The following PDE4D variants were observed in gnomAD, a reference collection of about 807,000 sequenced individuals.
PDE4D encodes phosphodiesterase 4D.
PDE4D carries 24 observed loss-of-function variants against 87.4 expected under a neutral mutation model. That is an observed-to-expected ratio of 0.27 (90% CI 0.20 to 0.39). The LOEUF (loss-of-function observed/expected upper bound fraction) is 0.39. Among genes scored for constraint, PDE4D ranks in the 10% least tolerant of loss-of-function variants. The pLI is 1.00. For missense variants in PDE4D, 714 were observed against 1,041.0 expected, an observed-to-expected ratio of 0.69 and a Z score of 4.32; for synonymous variants, 384 against 383.2, an observed-to-expected ratio of 1.00 and a Z score of -0.02.
intron 2 of PDE4D, among the ~76,000 whole-genome samples, chr5:60,006,260 G>T (rs1400027213): frequency 1.3e-5 from 2 of 151,640 alleles, no homozygotes; most frequent in Non-Finnish European, 2.9e-5. Context: ...AGCAATTGTG[G>T]TTTTTGCCAT....
At chr5:59,788,553 A>C (rs1765424241) in intron 1 of PDE4D, among the ~76,000 whole-genome samples, 1 of 152,228 alleles carries the variant, frequency 6.6e-6, no homozygotes, top group Non-Finnish European at 1.5e-5. Flanking sequence ...ACAAAGCCAA[A>C]GCATGGCCTT....
chr5:59,168,543 GT>G (rs1782250843), intron 5 of PDE4D, among the ~76,000 whole-genome samples: 1 of 152,140 alleles, frequency 6.6e-6, no homozygotes, highest in Admixed American at 6.6e-5. Flanking sequence ...ACTATAGAGA[GT>G]TTTTAGGGTT....
intron 1 of PDE4D, among the ~76,000 whole-genome samples, chr5:59,851,706 A>C (rs553118207): frequency 6.6e-6 from 1 of 152,204 alleles, no homozygotes; most frequent in Admixed American, 6.6e-5. Flanking sequence ...ATGAAGTCAG[A>C]GAACCCAAGC....
At chr5:59,442,016 A>G (rs1797696469) in intron 1 of PDE4D, among the ~76,000 whole-genome samples, 1 of 152,224 alleles carries the variant, frequency 6.6e-6, no homozygotes. Context: ...ACTTTTGCAA[A>G]TATTTTACCA....
intron 6 of PDE4D, among the ~76,000 whole-genome samples, chr5:59,020,392 G>C (rs1007959650): frequency 5.9e-5 from 9 of 151,734 alleles, no homozygotes; most frequent in African/African-American, 2.2e-4. Flanking sequence ...AGAATCACTT[G>C]AATCCAGGAG....
chr5:60,014,684 A>G (rs1765351970), intron 2 of PDE4D, among the ~76,000 whole-genome samples: 1 of 152,252 alleles, frequency 6.6e-6, no homozygotes. Context: ...ATGGAATGGA[A>G]TATAACTGGA....
chr5:59,917,394 C>T (rs146829718), intron 3 of PDE4D, among the ~76,000 whole-genome samples: 37 of 152,166 alleles, frequency 2.4e-4, no homozygotes, highest in African/African-American at 8.7e-4. Context: ...GCTATAACTG[C>T]TTCATGAAAA....
At chr5:59,143,296 T>A (rs944879780) in intron 5 of PDE4D, among the ~76,000 whole-genome samples, 8 of 151,784 alleles carry the variant, frequency 5.3e-5, no homozygotes, top group African/African-American at 1.2e-4. Context: ...AAACACAAAC[T>A]TCAGTTGCCT....
chr5:59,610,390 T>C (rs1190576111), intron 1 of PDE4D, among the ~76,000 whole-genome samples: 2 of 152,174 alleles, frequency 1.3e-5, no homozygotes. Flanking sequence ...TAATTATGTG[T>C]TTGTTACAAT....
intron 1 of PDE4D, among the ~76,000 whole-genome samples, chr5:59,743,018 C>A (rs373084458): frequency 2.0e-5 from 3 of 152,142 alleles, no homozygotes; most frequent in Non-Finnish European, 1.5e-5. Flanking sequence ...GCAATCATTA[C>A]ACCAGTAGGT....
At chr5:60,514,740 T>A (rs1269512008) in intron 1 of PDE4D, among the ~76,000 whole-genome samples, 1 of 151,842 alleles carries the variant, frequency 6.6e-6, no homozygotes, top group Non-Finnish European at 1.5e-5. Context: ...AAAAAATAAC[T>A]CAATATTGAA....
At chr5:60,122,179 G>A (rs146224712) in intron 2 of PDE4D, among the ~76,000 whole-genome samples, 4,380 of 152,290 alleles carry the variant, frequency 0.029, 203 homozygotes, top group African/African-American at 0.1. Flanking sequence ...CTGGCGTTGA[G>A]TATCTGTGGC....
Position 59,727,726 on chromosome 5 carries a change from T to C in PDE4D, c.455+165442A>G, listed in dbSNP as rs570965991. Among the ~76,000 whole-genome samples the C allele has an allele frequency of 2.6e-5, 4 of 152,216 alleles. No individual in the cohort carries two copies. In the South Asian group the frequency reaches 8.3e-4, roughly 32 times the overall value. On this transcript the variant is annotated intron_variant, in intron 1 of 14. Coordinates refer to ENST00000340635, the MANE Select transcript of PDE4D (RefSeq NM_001104631.2). The stretch of plus-strand genomic sequence containing the variant: ...GGTTTCTTACCCTCTGTGAGCATGT[T>C]CTTTTACTCAGCAGTAACATGGAAC...
chr5:59,431,083 C>T (rs1195619611), intron 1 of PDE4D, among the ~76,000 whole-genome samples: 5 of 152,022 alleles, frequency 3.3e-5, no homozygotes, highest in African/African-American at 1.2e-4. Context: ...TTCACTAAAA[C>T]GTTGATGATG....
intron 1 of PDE4D, among the ~76,000 whole-genome samples, chr5:60,390,562 ACT>A (rs1237538478): frequency 6.6e-6 from 1 of 150,638 alleles, no homozygotes; most frequent in Non-Finnish European, 1.5e-5. Flanking sequence ...GCACTGAAAC[ACT>A]CTCTGATACT....
rs769225094 is a variant in PDE4D at position 59,215,809 on chromosome 5, A to G, written c.615T>C (p.Ser205=). 8 of 1,613,570 alleles carry G rather than the reference A, an allele frequency of 5.0e-6. No individual in the cohort carries two copies. In the South Asian group the frequency reaches 7.7e-5, roughly 15 times the overall value. Residue 205 remains serine, a synonymous_variant, in exon 2 of 15, where the codon TCT becomes TCC. Coordinates refer to ENST00000340635, the MANE Select transcript of PDE4D (RefSeq NM_001104631.2). ...TGGCAATGGAGGAGTTCCGGGACAT[A>G]GACTTTGGAGAGAGGTCATAATCGC... ...SDSDYDLSPK[S]MSRNSSIASD... is the part of the protein sequence containing the mutation.
At chr5:59,045,663 G>GC (rs1760503183) in intron 5 of PDE4D, among the ~76,000 whole-genome samples, 1 of 151,308 alleles carries the variant, frequency 6.6e-6, no homozygotes, top group Admixed American at 6.6e-5. Flanking sequence ...GAAATCCTCA[G>GC]CCACTGGCCA....
chr5:60,154,858 C>A (rs973057415), intron 2 of PDE4D, among the ~76,000 whole-genome samples: 1 of 152,224 alleles, frequency 6.6e-6, no homozygotes, highest in East Asian at 1.9e-4. Flanking sequence ...TGCCTGGCAA[C>A]CTTATGTTGA....
chr5:59,666,390 C>T (rs1241997659), intron 1 of PDE4D, among the ~76,000 whole-genome samples: 2 of 152,136 alleles, frequency 1.3e-5, no homozygotes, highest in African/African-American at 4.8e-5. Context: ...ATTGTCCTTT[C>T]TCTAAAAATA....
Sources: allele counts gnomAD v4.1 joint callset (sites outside exome capture counted in the v4.1 genomes callset), GRCh38; gene constraint gnomAD v4.1.1; transcripts MANE v1.5; gene names NCBI Gene and HGNC (gene_info 2026-07-23, HGNC 2026-07-21).